Variants in SLC15A1 observed in about 807,000 individuals in gnomAD.
SLC15A1 encodes the protein Caco-2 oligopeptide transporter.
A neutral mutation model predicts 92.9 loss-of-function variants in SLC15A1; 83 were observed. The ratio of observed to expected loss-of-function variants is 0.89; its 90% confidence interval spans 0.75 to 1.07. The LOEUF is 1.07. SLC15A1 is among the 50% of genes least tolerant of loss of function. The probability of loss-of-function intolerance (pLI) is 0.00; values close to 1 mark genes in which losing one functional copy is unlikely to be tolerated. For synonymous variants in SLC15A1, 322 were observed against 318.2 expected (o/e 1.01, Z -0.13); for missense variants, 857 against 880.1 (o/e 0.97, Z 0.33).
At chr13:98,716,763 G>T (rs1407271702) in intron 8 of SLC15A1, among the ~76,000 whole-genome samples, 1 of 152,160 alleles carries the variant, frequency 6.6e-6, no homozygotes, top group Non-Finnish European at 1.5e-5. Context: ...TGTGGTCACT[G>T]TACAGAAGCA....
intron 1 of SLC15A1, among the ~76,000 whole-genome samples, chr13:98,744,642 G>C (rs942162785): frequency 2.6e-5 from 4 of 151,088 alleles, no homozygotes; most frequent in Admixed American, 2.0e-4. Context: ...CCAGCTACTC[G>C]GGAGGCTGAG....
At chr13:98,718,317 T>C (rs1312118485) in intron 8 of SLC15A1, among the ~76,000 whole-genome samples, 2 of 52,342 alleles carry the variant, frequency 3.8e-5, no homozygotes, top group Non-Finnish European at 1.4e-4. Context: ...TTTTTTTTTT[T>C]TTTTTTTTTT....
At chr13:98,746,917 T>C (rs2088497458) in intron 1 of SLC15A1, among the ~76,000 whole-genome samples, 1 of 152,176 alleles carries the variant, frequency 6.6e-6, no homozygotes, top group Non-Finnish European at 1.5e-5. Flanking sequence ...CCTGTCCCTG[T>C]GCCCCGTGGC....
chr13:98,730,261 AGG>A (rs2088338372), intron 1 of SLC15A1, among the ~76,000 whole-genome samples: 1 of 20,308 alleles, frequency 4.9e-5, no homozygotes, highest in African/African-American at 3.4e-4. Flanking sequence ...GGGGAAGGGG[AGG>A]GGAAGGGGAG....
intron 7 of SLC15A1, chr13:98,720,554 T>C (rs1276343568): frequency 6.5e-6 from 1 of 153,980 alleles, no homozygotes; most frequent in Admixed American, 6.4e-5. Flanking sequence ...TATTTCATAA[T>C]CTAATCTGAT....
chr13:98,684,472 G>A lies in SLC15A1; in HGVS notation c.*252C>T, dbSNP rs759473081. The A allele has an allele frequency of 6.9e-6, 2 of 288,822 alleles. No individual in the cohort carries two copies. The highest frequency in any genetic ancestry group is 1.3e-5 in the Non-Finnish European group (2 of 155,606). The allele number at this position is 288,822 out of a possible 1,614,324, so 17.9% of individuals were successfully genotyped here. A position where few individuals can be genotyped will look rare whatever the true frequency, so the allele number is the denominator to read the frequency against. Reference sequence around the variant, plus strand: ...AGGCAGGAGAATTACTTGAACCTGGGAGGCGGAGGTTGCAGTGAGCTGAGA... The same window carrying A: ...AGGCAGGAGAATTACTTGAACCTGGAAGGCGGAGGTTGCAGTGAGCTGAGA... On this transcript the variant is annotated 3_prime_UTR_variant, in exon 23 of 23. Transcript: ENST00000376503.
chr13:98,726,212 G>T lies in SLC15A1; in HGVS notation c.156C>A (p.Ser52=), dbSNP rs761916706. ...CCACAAACGTATGGTAGATGGCGGT[G>T]GACAGGTTATCATCCCAGCTGATGA... is the stretch of plus-strand genomic sequence containing the variant. The part of the protein sequence containing the change: ...TNFISWDDNL[S]TAIYHTFVAL... The change falls in exon 4 of 23, where the codon TCC becomes TCA. Residue 52 remains serine, a synonymous_variant. Coordinates refer to ENST00000376503, the MANE Select transcript of SLC15A1 (RefSeq NM_005073.4). 1 of 1,613,960 alleles carries T rather than the reference G, an allele frequency of 6.2e-7. No individual in the cohort carries two copies. Among genetic ancestry groups the T allele is most frequent in the Non-Finnish European group, 8.5e-7 (1 of 1,180,020 alleles).
intron 21 of SLC15A1, 143 bp from the exon 22 acceptor site, chr13:98,686,440 A>G (rs1204738057): frequency 1.1e-5 from 7 of 645,076 alleles, no homozygotes; most frequent in African/African-American, 1.8e-5. Context: ...AAAAAGGATC[A>G]TCACTTAAGT....
chr13:98,686,222 T>C lies in SLC15A1; in HGVS notation c.1903A>G (p.Ile635Val), dbSNP rs2087927886. The C allele has an allele frequency of 4.3e-6, 7 of 1,613,846 alleles. No individual in the cohort carries two copies. The highest frequency in any genetic ancestry group is 5.9e-6 in the Non-Finnish European group (7 of 1,179,936). The part of the protein sequence containing the change: ...TVAVGNIIVL[I>V]VAGAGQFSKQ... ...CTGAACTGGCCTGCCCCTGCCACGA[T>C]GAGCACAATGATGTTGCCAACAGCC... The change falls in exon 22 of 23, where the codon ATC becomes GTC. Residue 635 changes from isoleucine (I) to valine (V), a missense_variant. By Grantham distance (29) the Ile-to-Val change is conservative. Transcript: ENST00000376503.
intron 18 of SLC15A1, among the ~76,000 whole-genome samples, chr13:98,697,549 A>G (rs1415017184): frequency 1.3e-5 from 2 of 152,136 alleles, no homozygotes; most frequent in Admixed American, 1.3e-4. Flanking sequence ...GGCAACACCA[A>G]AGAGAAAGAA....
Position 98,724,074 on chromosome 13 carries a change from T to C in SLC15A1, c.246-43A>G, listed in dbSNP as rs1258561939. 1.9e-6 allele frequency: 3 copies of C among 1,609,760 alleles called. No homozygotes were observed. In the Admixed American group the frequency reaches 5.0e-5, roughly 27 times the overall value. ...AAGAGAATCCGAGTTAATTGCACAA[T>C]AGCCATCCACTTTTGACTCCACCAC... On this transcript the variant is annotated intron_variant, in intron 4 of 22. Coordinates refer to ENST00000376503, the MANE Select transcript of SLC15A1 (RefSeq NM_005073.4).
Position 98,684,566 on chromosome 13 carries a change from AAAG to A in SLC15A1, c.*155_*157del. On this transcript the variant is annotated 3_prime_UTR_variant, in exon 23 of 23. Coordinates refer to ENST00000376503, the MANE Select transcript of SLC15A1 (RefSeq NM_005073.4). ...GTCTCAAAAAAAAAAAAAAAAAAAA[AAAG>A]AAAAGAAAAAGAAAAAAGAAAATAG... 4.5e-5 allele frequency: 21 copies of A among 464,678 alleles called. No homozygotes were observed. The highest frequency in any genetic ancestry group is 2.9e-4 in the South Asian group (6 of 20,876). The allele number at this position is 464,678 out of a possible 1,614,324, so 28.8% of individuals were successfully genotyped here.
At chr13:98,739,480 T>G (rs1008037207) in intron 1 of SLC15A1, among the ~76,000 whole-genome samples, 9 of 152,184 alleles carry the variant, frequency 5.9e-5, no homozygotes, top group Non-Finnish European at 1.0e-4. Flanking sequence ...TTCTCATGAA[T>G]GGTTTAGCAC....
At chr13:98,729,923 C>T (rs1332580470) in intron 1 of SLC15A1, among the ~76,000 whole-genome samples, 1 of 152,024 alleles carries the variant, frequency 6.6e-6, no homozygotes, top group Non-Finnish European at 1.5e-5. Context: ...CATTTTTGCC[C>T]ACTTAAGAGC....
intron 1 of SLC15A1, among the ~76,000 whole-genome samples, chr13:98,749,985 C>T (rs1294251410): frequency 3.3e-5 from 5 of 152,136 alleles, no homozygotes; most frequent in Admixed American, 2.6e-4. Context: ...CCCCAGGACC[C>T]GAAGCATTTC....
At position 98,721,632 on chromosome 13, in the gene SLC15A1, T is replaced by C. The variant is rs372917511; in HGVS notation, c.466-47A>G. 5.7e-5 allele frequency: 79 copies of C among 1,391,212 alleles called. No homozygotes were observed. In the African/African-American group the frequency reaches 1.0e-3, roughly 18 times the overall value. 86.2% of individuals were successfully genotyped at this position (1,391,212 alleles called of 1,614,324 possible). A position where few individuals can be genotyped will look rare whatever the true frequency, so the allele number is the denominator to read the frequency against. On this transcript the variant is annotated intron_variant, in intron 6 of 22. Coordinates refer to ENST00000376503, the MANE Select transcript of SLC15A1 (RefSeq NM_005073.4). ...AAGATGACTTTGGCTATCAATCCAC[T>C]GAGCACAGGGAGCTGATGATCTCAT... is the stretch of plus-strand genomic sequence containing the variant.
chr13:98,698,939 T>A (rs2088045011), intron 18 of SLC15A1, among the ~76,000 whole-genome samples: 1 of 152,150 alleles, frequency 6.6e-6, no homozygotes, highest in Non-Finnish European at 1.5e-5. Context: ...GGATACCTAC[T>A]CTCATTCCCC....
intron 1 of SLC15A1, among the ~76,000 whole-genome samples, chr13:98,742,246 G>T (rs1466538092): frequency 6.6e-6 from 1 of 152,230 alleles, no homozygotes; most frequent in Non-Finnish European, 1.5e-5. Flanking sequence ...CTCAGCCGCA[G>T]CCTGGCCCCG....
chr13:98,727,412 T>C (rs2088311483), intron 1 of SLC15A1, among the ~76,000 whole-genome samples: 1 of 152,222 alleles, frequency 6.6e-6, no homozygotes, highest in Non-Finnish European at 1.5e-5. Context: ...TTTATATTTT[T>C]GCTTCCCTTC....
Sources: allele counts gnomAD v4.1 joint callset (sites outside exome capture counted in the v4.1 genomes callset), GRCh38; gene constraint gnomAD v4.1.1; transcripts MANE v1.5; gene names NCBI Gene and HGNC (gene_info 2026-07-23, HGNC 2026-07-21).